CCSER1: variants seen among roughly 807,000 people sequenced by gnomAD.
The protein encoded by CCSER1 is coiled-coil serine rich protein 1.
A neutral mutation model predicts 82.0 loss-of-function variants in CCSER1; 41 were observed. That is an observed-to-expected ratio of 0.50 (90% confidence interval 0.39 to 0.65). The LOEUF (loss-of-function observed/expected upper bound fraction) is 0.65. CCSER1 is among the 30% of genes least tolerant of loss of function. CCSER1 has a pLI of 0.00. For synonymous variants in CCSER1, 414 were observed against 383.9 expected (o/e 1.08, Z -0.92); for missense variants, 1,119 against 1,064.2 (o/e 1.05, Z -0.72).
intron 10 of CCSER1, among the ~76,000 whole-genome samples, chr4:91,574,992 A>C (rs1475365662): frequency 1.3e-5 from 2 of 152,072 alleles, no homozygotes; most frequent in African/African-American, 4.8e-5. Context: ...TAATCAAGAC[A>C]GTATTGTAGG....
Position 90,844,865 on chromosome 4 carries a change from A to G in CCSER1, c.2094+29020A>G, listed in dbSNP as rs192756424. Among the ~76,000 whole-genome samples, 5 of 152,346 alleles carry G rather than the reference A, an allele frequency of 3.3e-5. No homozygotes were observed. In the East Asian group the frequency reaches 9.6e-4, roughly 29 times the overall value. ...AGACAAGGGGTTAGCAAAGAGCCAG[A>G]CAGTAAGTATTTTAGGATTTATAAG... On this transcript the variant is annotated intron_variant, in intron 8 of 10. Transcript: ENST00000509176.
chr4:90,448,446 T>TATAC (rs1760978174), intron 4 of CCSER1, among the ~76,000 whole-genome samples: 1 of 69,212 alleles, frequency 1.4e-5, no homozygotes, highest in African/African-American at 9.8e-5. Flanking sequence ...GTGAATTGAA[T>TATAC]ATATATATAT....
chr4:91,534,018 T>G (rs1761167475), intron 10 of CCSER1, among the ~76,000 whole-genome samples: 1 of 152,080 alleles, frequency 6.6e-6, no homozygotes, highest in African/African-American at 2.4e-5. Context: ...GAATGCTTCT[T>G]TCAAGCTACT....
At chr4:91,352,120 A>G (rs1748510077) in intron 10 of CCSER1, among the ~76,000 whole-genome samples, 1 of 152,378 alleles carries the variant, frequency 6.6e-6, no homozygotes, top group East Asian at 1.9e-4. Flanking sequence ...GGCAATTTGT[A>G]TGATTCAATA....
At chr4:90,288,712 T>A (rs1380600127) in intron 1 of CCSER1, among the ~76,000 whole-genome samples, 4 of 152,006 alleles carry the variant, frequency 2.6e-5, no homozygotes, top group Non-Finnish European at 5.9e-5. Context: ...ATAACTAATT[T>A]CTCAATTCTC....
At chr4:90,533,224 TG>T (rs1453023321) in intron 5 of CCSER1, among the ~76,000 whole-genome samples, 5 of 151,538 alleles carry the variant, frequency 3.3e-5, no homozygotes, top group Non-Finnish European at 7.4e-5. Flanking sequence ...CCCTAGTAGC[TG>T]GGACTACAGG....
intron 10 of CCSER1, among the ~76,000 whole-genome samples, chr4:91,556,174 G>T (rs1000365600): frequency 6.6e-6 from 1 of 151,220 alleles, no homozygotes; most frequent in Admixed American, 6.6e-5. Context: ...CCCAAGAAAT[G>T]AGTGAATGCT....
chr4:90,276,171 A>G (rs1355652133), intron 1 of CCSER1, among the ~76,000 whole-genome samples: 1 of 150,802 alleles, frequency 6.6e-6, no homozygotes, highest in Admixed American at 6.6e-5. Flanking sequence ...TCTAGCAGGA[A>G]AGACTTGAAC....
At chr4:90,401,400 A>C (rs1227448662) in intron 4 of CCSER1, among the ~76,000 whole-genome samples, 3 of 152,234 alleles carry the variant, frequency 2.0e-5, no homozygotes, top group Non-Finnish European at 4.4e-5. Context: ...ATAATGGAAA[A>C]ATATTGGAAG....
chr4:91,164,802 C>T (rs1394062395), intron 10 of CCSER1, among the ~76,000 whole-genome samples: 2 of 152,108 alleles, frequency 1.3e-5, no homozygotes, highest in Non-Finnish European at 2.9e-5. Flanking sequence ...AGGTCTTCTC[C>T]ACACTGTTCA....
chr4:91,178,655 C>T (rs931653367), intron 10 of CCSER1, among the ~76,000 whole-genome samples: 51 of 152,000 alleles, frequency 3.4e-4, no homozygotes, highest in African/African-American at 1.2e-3. Flanking sequence ...TTTCCATTTG[C>T]TTGGTTGATC....
chr4:90,718,024 A>G (rs1741964435), intron 6 of CCSER1, among the ~76,000 whole-genome samples: 1 of 152,060 alleles, frequency 6.6e-6, no homozygotes. Flanking sequence ...GTCTAAAAAA[A>G]GAAATATATT....
At chr4:91,381,568 T>A (rs1750897738) in intron 10 of CCSER1, among the ~76,000 whole-genome samples, 1 of 152,228 alleles carries the variant, frequency 6.6e-6, no homozygotes, top group African/African-American at 2.4e-5. Flanking sequence ...CATCAGGTAG[T>A]TCTCGTGCCA....
At chr4:90,940,569 G>A (rs1371423306) in intron 9 of CCSER1, among the ~76,000 whole-genome samples, 1 of 152,012 alleles carries the variant, frequency 6.6e-6, no homozygotes, top group Admixed American at 6.6e-5. Context: ...TTAGAAAAAT[G>A]CGTGAGAACT....
At chr4:90,534,040 A>G (rs964004117) in intron 5 of CCSER1, among the ~76,000 whole-genome samples, 1 of 152,220 alleles carries the variant, frequency 6.6e-6, no homozygotes, top group Admixed American at 6.5e-5. Flanking sequence ...TGATTGTACA[A>G]TTGAATGAAA....
chr4:91,381,744 G>A (rs373314753), intron 10 of CCSER1, among the ~76,000 whole-genome samples: 64 of 152,266 alleles, frequency 4.2e-4, no homozygotes, highest in Middle Eastern at 3.4e-3. Context: ...CTCTCAACTC[G>A]TCAAAGTCAT....
chr4:90,645,736 A>G (rs796892220), intron 6 of CCSER1, among the ~76,000 whole-genome samples: 10 of 152,320 alleles, frequency 6.6e-5, no homozygotes, highest in African/African-American at 2.4e-4. Flanking sequence ...CTATGTCCCA[A>G]TATGCCCTTA....
intron 10 of CCSER1, among the ~76,000 whole-genome samples, chr4:91,160,846 G>T (rs188817786): frequency 6.6e-6 from 1 of 152,046 alleles, no homozygotes; most frequent in African/African-American, 2.4e-5. Flanking sequence ...TTCCAATTCT[G>T]TAGGTTGCCT....
At chr4:90,653,568 G>A (rs936119114) in intron 6 of CCSER1, among the ~76,000 whole-genome samples, 2 of 151,948 alleles carry the variant, frequency 1.3e-5, no homozygotes, top group African/African-American at 2.4e-5. Context: ...GTGTACATTC[G>A]TAAGTGTGAA....
Sources: gnomAD v4.1 joint callset for allele counts (sites outside exome capture counted in the v4.1 genomes callset) on GRCh38, gnomAD v4.1.1 for gene constraint, MANE v1.5 for transcripts, NCBI Gene and HGNC (gene_info 2026-07-23, HGNC 2026-07-21) for gene names.